DAB1: variants seen among roughly 807,000 people sequenced by gnomAD.
DAB1 encodes disabled homolog 1.
A neutral mutation model predicts 64.6 loss-of-function variants in DAB1; 15 were observed. That is an observed-to-expected ratio of 0.23 (90% CI 0.16 to 0.36). DAB1 has a LOEUF of 0.36. Ranked by LOEUF, DAB1 falls within the 10% of genes least tolerant of loss-of-function variation. The pLI, the probability that DAB1 is intolerant of heterozygous loss-of-function variation, is 1.00. For missense variants in DAB1, 596 were observed against 706.7 expected (o/e 0.84, Z 1.78); for synonymous variants, 235 against 251.9 (o/e 0.93, Z 0.64).
chr1:58,294,430 CAT>C (rs1482653381), intron 4 of DAB1, among the ~76,000 whole-genome samples: 1 of 151,958 alleles, frequency 6.6e-6, no homozygotes, highest in Non-Finnish European at 1.5e-5. Context: ...AAGAAATATT[CAT>C]AGACAATTAA....
At chr1:57,393,071 G>T (rs116670706) in intron 1 of DAB1, among the ~76,000 whole-genome samples, 1,657 of 152,202 alleles carry the variant, frequency 0.011, 18 homozygotes, top group South Asian at 0.017. Context: ...TATTTATGGT[G>T]TACAACATGA....
At chr1:57,613,642 G>C (rs1053261477) in intron 7 of DAB1, among the ~76,000 whole-genome samples, 2 of 152,166 alleles carry the variant, frequency 1.3e-5, no homozygotes, top group East Asian at 3.9e-4. Context: ...ATACGAAAAA[G>C]AGTCTAAAAT....
chr1:57,489,262 C>A lies in DAB1; in HGVS notation n.625+160330G>T, dbSNP rs1262400231. 5.3e-5 allele frequency among the ~76,000 whole-genome samples: 8 copies of A among 152,264 alleles called. No individual in the cohort carries two copies. In the South Asian group the frequency reaches 1.4e-3, roughly 28 times the overall value. ...CAGGATTGCAAAATAAACAAAGAAA[C>A]CAACATCCCAGGTCAGGCCTTTAAA... On this transcript the variant is annotated intron_variant and non_coding_transcript_variant, in intron 7 of 20. Transcript: ENST00000485760.
At chr1:58,208,079 G>A (rs942079336) in intron 4 of DAB1, among the ~76,000 whole-genome samples, 3 of 152,080 alleles carry the variant, frequency 2.0e-5, no homozygotes, top group Non-Finnish European at 4.4e-5. Context: ...GAGATCTCAT[G>A]AGAACTCACT....
intron 14 of DAB1, among the ~76,000 whole-genome samples, chr1:57,010,344 T>C (rs754867950): frequency 6.6e-6 from 1 of 152,036 alleles, no homozygotes; most frequent in Non-Finnish European, 1.5e-5. Flanking sequence ...AACATATTAT[T>C]AATAAAATAA....
At chr1:57,481,811 T>A (rs1289419454) in intron 7 of DAB1, among the ~76,000 whole-genome samples, 1 of 138,574 alleles carries the variant, frequency 7.2e-6, no homozygotes, top group Non-Finnish European at 1.5e-5. Flanking sequence ...AGCAAGACTC[T>A]GTCTCAAAAA....
chr1:57,479,089 CAAA>C (rs908005129), intron 7 of DAB1, among the ~76,000 whole-genome samples: 8 of 146,360 alleles, frequency 5.5e-5, no homozygotes, highest in Admixed American at 1.4e-4. Flanking sequence ...AATGATATTA[CAAA>C]AAAAAAACTT....
chr1:57,115,918 C>T (rs557126650), intron 4 of DAB1, among the ~76,000 whole-genome samples: 52 of 152,270 alleles, frequency 3.4e-4, no homozygotes, highest in African/African-American at 1.3e-3. Flanking sequence ...AATGATGTAA[C>T]CACATCAGGC....
At chr1:58,544,680 G>A (rs1460423519) in intron 1 of DAB1, among the ~76,000 whole-genome samples, 1 of 152,048 alleles carries the variant, frequency 6.6e-6, no homozygotes, top group Non-Finnish European at 1.5e-5. Flanking sequence ...CTGCAACCTC[G>A]CCTCTTGGGT....
chr1:57,200,019 G>T (rs993192611), intron 2 of DAB1, among the ~76,000 whole-genome samples: 1 of 152,152 alleles, frequency 6.6e-6, no homozygotes, highest in Admixed American at 6.5e-5. Flanking sequence ...TGGCCTCAGA[G>T]AACTAGGTGA....
chr1:57,888,867 A>G (rs557017803), upstream of DAB1, among the ~76,000 whole-genome samples: 40 of 152,318 alleles, frequency 2.6e-4, no homozygotes, highest in South Asian at 7.9e-3. Context: ...AGTAAATAAT[A>G]TTTAGTGTGG....
chr1:57,669,509 T>C (rs1021296311), intron 6 of DAB1, among the ~76,000 whole-genome samples: 2 of 152,198 alleles, frequency 1.3e-5, no homozygotes, highest in African/African-American at 2.4e-5. Context: ...CTGCTGCACC[T>C]GGAGGGACCA....
At chr1:58,192,204 AAAG>A (rs1374754403) in intron 4 of DAB1, among the ~76,000 whole-genome samples, 1 of 152,242 alleles carries the variant, frequency 6.6e-6, no homozygotes, top group African/African-American at 2.4e-5. Flanking sequence ...ATAGAAACAG[AAAG>A]AAGATAGAAT....
chr1:57,035,605 G>A (rs1008417304), intron 9 of DAB1, among the ~76,000 whole-genome samples: 12 of 152,196 alleles, frequency 7.9e-5, no homozygotes, highest in East Asian at 7.7e-4. Context: ...TCTTGGTCAC[G>A]TCAGGCCATG....
At chr1:57,960,845 C>A (rs1166560743) in intron 5 of DAB1, among the ~76,000 whole-genome samples, 2 of 152,244 alleles carry the variant, frequency 1.3e-5, no homozygotes, top group African/African-American at 4.8e-5. Flanking sequence ...GAACAGACCC[C>A]AGCCTCAACC....
At position 56,996,953 on chromosome 1, in the gene DAB1, T is replaced by C. The variant is rs1483028677; in HGVS notation, c.*1191A>G. On this transcript the variant is annotated 3_prime_UTR_variant, in exon 15 of 15. Transcript: ENST00000371236. ...CTTAAATATTTAAAGAGTTTAATGG[T>C]AAGGTTTTTTTTTCAAGTTATAAAA... 6.6e-6 allele frequency: 1 copy of C among 151,942 alleles called. No individual in the cohort carries two copies. 9.4% of individuals were successfully genotyped at this position (151,942 alleles called of 1,614,324 possible).
chr1:57,567,765 C>T (rs1037975707), intron 7 of DAB1, among the ~76,000 whole-genome samples: 28 of 152,000 alleles, frequency 1.8e-4, no homozygotes, highest in East Asian at 3.9e-4. Context: ...CACTGCTCAA[C>T]GAAATAAAAG....
intron 2 of DAB1, among the ~76,000 whole-genome samples, chr1:58,516,765 G>A (rs1253609739): frequency 6.6e-6 from 1 of 152,092 alleles, no homozygotes; most frequent in Non-Finnish European, 1.5e-5. Context: ...CTCAGAAATA[G>A]TTCCCAGTAA....
intron 1 of DAB1, among the ~76,000 whole-genome samples, chr1:57,293,918 A>T (rs1672986011): frequency 6.6e-6 from 1 of 152,188 alleles, no homozygotes; most frequent in African/African-American, 2.4e-5. Flanking sequence ...TACAAGCATT[A>T]CTTGTGAATT....
Sources: allele counts gnomAD v4.1 joint callset (sites outside exome capture counted in the v4.1 genomes callset), GRCh38; gene constraint gnomAD v4.1.1; transcripts MANE v1.5; gene names NCBI Gene and HGNC (gene_info 2026-07-23, HGNC 2026-07-21).